BIK: variants seen among roughly 807,000 people sequenced by gnomAD.
BIK encodes BCL2 interacting killer, also known as bcl-2-interacting killer.
Under a neutral mutation model 12.1 loss-of-function variants are expected in BIK, and 14 were observed. The ratio of observed to expected loss-of-function variants is 1.16; its 90% CI spans 0.77 to 1.81. The LOEUF is 1.81. Among genes scored for constraint, BIK ranks in the 40% most tolerant of loss-of-function variants. BIK has a pLI of 0.00. For synonymous variants in BIK, 86 were observed against 92.3 expected (o/e 0.93, Z 0.39); for missense variants, 215 against 207.9 (o/e 1.03, Z -0.21).
Position 43,124,140 on chromosome 22 carries a change from G to A in BIK, c.118G>A (p.Asp40Asn), listed in dbSNP as rs768650740. ...LGMTDSEEDL[D>N]PMEDFDSLEC... ...CATGACTGACTCTGAAGAGGACCTG[G>A]ACCCTATGGAGGACTTCGATTCTTT... Residue 40 changes from aspartate to asparagine, a missense_variant, in exon 2 of 5, where the codon GAC becomes AAC. Coordinates refer to ENST00000216115, the MANE Select transcript of BIK (RefSeq NM_001197.5). 1.9e-6 allele frequency: 3 copies of A among 1,614,186 alleles called. No homozygotes were observed. Among genetic ancestry groups the A allele is most frequent in the South Asian group, 1.1e-5 (1 of 91,076 alleles).
chr22:43,128,512 AT>A lies in BIK; in HGVS notation c.278del (p.Ile93ThrfsTer26). ...TGTCTATAGCCTGGGTCTGGCTTTC[AT>A]CTACGACCAGACTGAGGACATCAGG... ...VAMHSLGLAF[I>X]YDQTEDIRDV... On this transcript the variant is annotated frameshift_variant, in exon 4 of 5. Transcript: ENST00000216115. LOFTEE classifies it high-confidence loss of function. The A allele has an allele frequency of 6.2e-7, 1 of 1,613,914 alleles. No individual in the cohort carries two copies. The highest frequency in any genetic ancestry group is 8.5e-7 in the Non-Finnish European group (1 of 1,179,806).
chr22:43,127,438 G>C (rs1930339210), intron 2 of BIK, among the ~76,000 whole-genome samples: 1 of 152,170 alleles, frequency 6.6e-6, no homozygotes. Context: ...CCCACAGGTG[G>C]GCCTGCCCCA....
At chr22:43,115,463 T>C (rs979604744) in intron 1 of BIK, among the ~76,000 whole-genome samples, 15 of 151,872 alleles carry the variant, frequency 9.9e-5, no homozygotes, top group African/African-American at 3.6e-4. Flanking sequence ...TTTCAGAACT[T>C]GTTTTATTTT....
At position 43,128,628 on chromosome 22, in the gene BIK, A is replaced by G; in HGVS notation, c.390+3A>G. The G allele has an allele frequency of 6.2e-7, 1 of 1,605,400 alleles. No homozygotes were observed. On this transcript the variant is annotated splice_donor_region_variant and intron_variant, in intron 4 of 4. Coordinates refer to ENST00000216115, the MANE Select transcript of BIK (RefSeq NM_001197.5). The stretch of plus-strand genomic sequence containing the variant: ...GATCCCCGAACCCCGGGTCCTGGGT[A>G]AGAGCCTTGAGATCCCTGACCCTGA...
At chr22:43,127,986 C>T (rs1930354060) in intron 3 of BIK, among the ~76,000 whole-genome samples, 191 bp downstream of exon 3, 2 of 152,166 alleles carry the variant, frequency 1.3e-5, no homozygotes, top group South Asian at 2.1e-4. Flanking sequence ...TGGCACTCGC[C>T]CCCTGCCACC....
chr22:43,114,569 G>T (rs1435238239), intron 1 of BIK, among the ~76,000 whole-genome samples: 1 of 152,146 alleles, frequency 6.6e-6, no homozygotes, highest in Non-Finnish European at 1.5e-5. Flanking sequence ...CCAAAGTGCT[G>T]GGATTACAGG....
chr22:43,115,128 C>G (rs1930086005), intron 1 of BIK, among the ~76,000 whole-genome samples: 1 of 152,186 alleles, frequency 6.6e-6, no homozygotes, highest in Non-Finnish European at 1.5e-5. Context: ...TTAACGAGAC[C>G]TTGATGGGCT....
rs1380885434 is a variant in BIK at position 43,124,013 on chromosome 22, CA to C, written c.-7-2del. ...CCAGTCATATGCTGTCTTTTTGCCC[CA>C]GAGGAGAAATGTCTGAAGTAAGACC... On this transcript the variant is annotated splice_acceptor_variant, in intron 1 of 4. Transcript: ENST00000216115. LOFTEE classifies it low-confidence loss of function (5UTR_SPLICE). The C allele has an allele frequency of 6.2e-7, 1 of 1,613,366 alleles. No homozygotes were observed. Among genetic ancestry groups the C allele is most frequent in the Non-Finnish European group, 8.5e-7 (1 of 1,179,784 alleles).
At chr22:43,118,744 C>T (rs1321719351) in intron 1 of BIK, among the ~76,000 whole-genome samples, 1 of 152,166 alleles carries the variant, frequency 6.6e-6, no homozygotes, top group South Asian at 2.1e-4. Context: ...CAGATCCCGC[C>T]TGCTTGGCTT....
chr22:43,113,860 G>C (rs562340026), intron 1 of BIK, among the ~76,000 whole-genome samples: 1 of 152,192 alleles, frequency 6.6e-6, no homozygotes, highest in Non-Finnish European at 1.5e-5. Context: ...AGAACAGTTT[G>C]AGCCGTATGG....
intron 1 of BIK, among the ~76,000 whole-genome samples, chr22:43,114,726 T>G (rs567577452): frequency 1.3e-5 from 2 of 152,346 alleles, no homozygotes; most frequent in East Asian, 3.9e-4. Context: ...TGGCGCATCA[T>G]GAAGATAAAT....
At position 43,129,513 on chromosome 22, in the gene BIK, T is replaced by C; in HGVS notation, c.*208T>C. ...GTTTTCGTTTTTTCTAAAAGATGAA[T>C]TCCTATGGCTCTGCAATTGTCACCG... On this transcript the variant is annotated 3_prime_UTR_variant, in exon 5 of 5. Coordinates refer to ENST00000216115, the MANE Select transcript of BIK (RefSeq NM_001197.5). 1.2e-6 allele frequency: 1 copy of C among 817,816 alleles called. No homozygotes were observed. Among genetic ancestry groups the C allele is most frequent in the South Asian group, 1.9e-5 (1 of 51,872 alleles). 50.7% of individuals were successfully genotyped at this position (817,816 alleles called of 1,614,324 possible).
At chr22:43,117,366 TTTTC>T (rs1319057940) in intron 1 of BIK, among the ~76,000 whole-genome samples, 3 of 151,724 alleles carry the variant, frequency 2.0e-5, no homozygotes, top group Non-Finnish European at 4.4e-5. Flanking sequence ...GGATTTTTTT[TTTTC>T]TTTTTCTTTT....
intron 3 of BIK, among the ~76,000 whole-genome samples, 186 bp downstream of exon 3, chr22:43,127,981 C>T (rs926485786): frequency 2.6e-5 from 4 of 152,288 alleles, no homozygotes; most frequent in African/African-American, 9.6e-5. Context: ...GCTCCTGGCA[C>T]TCGCCCCCTG....
At chr22:43,113,649 A>C (rs190359349) in intron 1 of BIK, among the ~76,000 whole-genome samples, 33 of 152,192 alleles carry the variant, frequency 2.2e-4, no homozygotes, top group Admixed American at 7.9e-4. Flanking sequence ...ATCCCGTCTC[A>C]ACGGAAGGAT....
chr22:43,125,116 G>T (rs1930289179), intron 2 of BIK, among the ~76,000 whole-genome samples: 1 of 152,186 alleles, frequency 6.6e-6, no homozygotes, highest in Non-Finnish European at 1.5e-5. Context: ...TGGCACTGGT[G>T]AGTGACTCCA....
intron 1 of BIK, among the ~76,000 whole-genome samples, chr22:43,118,342 CT>C (rs1226662195): frequency 3.9e-5 from 6 of 152,180 alleles, no homozygotes; most frequent in African/African-American, 1.4e-4. Flanking sequence ...TGTTAACCAG[CT>C]TTTATGGAGC....
chr22:43,119,014 C>G (rs1184693378), intron 1 of BIK, among the ~76,000 whole-genome samples: 1 of 151,998 alleles, frequency 6.6e-6, no homozygotes, highest in Non-Finnish European at 1.5e-5. Context: ...GAGTGCAGAG[C>G]TGTTCACCAA....
chr22:43,127,754 GGCCCCGCGCCTGGCCCA>G lies in BIK; in HGVS notation c.222_238del (p.Pro75LeufsTer18). On this transcript the variant is annotated frameshift_variant, in exon 3 of 5. Coordinates refer to ENST00000216115, the MANE Select transcript of BIK (RefSeq NM_001197.5). LOFTEE classifies it high-confidence loss of function. ...GGGACGAGATGGACGTGAGCCTCAG[GGCCCCGCGCCTGGCCCA>G]GCTCTCCGAGGTGGCCATGCACAGG... 1 of 1,553,022 alleles carries G rather than the reference GGCCCCGCGCCTGGCCCA, an allele frequency of 6.4e-7. No homozygotes were observed. Among genetic ancestry groups the G allele is most frequent in the Non-Finnish European group, 8.7e-7 (1 of 1,148,786 alleles).
Sources: allele counts gnomAD v4.1 joint callset (sites outside exome capture counted in the v4.1 genomes callset), GRCh38; gene constraint gnomAD v4.1.1; transcripts MANE v1.5; gene names NCBI Gene and HGNC (gene_info 2026-07-23, HGNC 2026-07-21).